The following OSBPL10 variants were observed in gnomAD, a reference collection of about 807,000 sequenced individuals.
The protein encoded by OSBPL10 is oxysterol-binding protein-related protein 10.
OSBPL10 carries 49 observed loss-of-function variants against 81.7 expected under a neutral mutation model. That is an observed-to-expected ratio of 0.60 (90% CI 0.48 to 0.76). The LOEUF (loss-of-function observed/expected upper bound fraction) is 0.76. Ranked by LOEUF, OSBPL10 falls within the 30% of genes least tolerant of loss-of-function variation. The pLI, the probability that OSBPL10 is intolerant of heterozygous loss-of-function variation, is 0.00. For synonymous variants in OSBPL10, 419 were observed against 383.6 expected, an observed-to-expected ratio of 1.09 and a Z score of -1.08; for missense variants, 923 against 987.8, an observed-to-expected ratio of 0.93 and a Z score of 0.88.
chr3:32,022,186 C>A (rs964722999), intron 2 of OSBPL10, among the ~76,000 whole-genome samples: 3 of 152,050 alleles, frequency 2.0e-5, no homozygotes, highest in Non-Finnish European at 2.9e-5. Flanking sequence ...GCAGTTGTCC[C>A]AGCACCATTT....
intron 2 of OSBPL10, among the ~76,000 whole-genome samples, chr3:31,999,981 C>T (rs1235526339): frequency 1.3e-5 from 2 of 152,144 alleles, no homozygotes; most frequent in Admixed American, 1.3e-4. Context: ...CTTTAAATAT[C>T]TAGTGGTGCG....
chr3:31,689,891 G>C (rs1695476244), intron 7 of OSBPL10, among the ~76,000 whole-genome samples: 1 of 152,088 alleles, frequency 6.6e-6, no homozygotes, highest in African/African-American at 2.4e-5. Context: ...CTAACCCAAT[G>C]TGTTACACAC....
chr3:31,662,259 C>T (rs1700087703), intron 11 of OSBPL10, 143 bp from the exon 12 acceptor site: 3 of 1,451,602 alleles, frequency 2.1e-6, no homozygotes, highest in Non-Finnish European at 2.7e-6. Context: ...CAGTACCCCT[C>T]CTCAGCCCAG....
At chr3:31,856,299 C>T (rs1312467468) in intron 3 of OSBPL10, among the ~76,000 whole-genome samples, 2 of 152,048 alleles carry the variant, frequency 1.3e-5, no homozygotes, top group African/African-American at 4.8e-5. Context: ...AAAAGCTGTT[C>T]TTAAATTGTG....
intron 1 of OSBPL10, among the ~76,000 whole-genome samples, chr3:31,935,489 A>G (rs2125728667): frequency 6.6e-6 from 1 of 151,924 alleles, no homozygotes; most frequent in South Asian, 2.1e-4. Flanking sequence ...AAAAGAAGAA[A>G]AAAAAATCTA....
At chr3:31,817,327 G>C (rs1367078043) in intron 4 of OSBPL10, among the ~76,000 whole-genome samples, 2 of 152,198 alleles carry the variant, frequency 1.3e-5, no homozygotes, top group African/African-American at 4.8e-5. Context: ...TCCAGGATTG[G>C]AGAGGGCACT....
intron 1 of OSBPL10, among the ~76,000 whole-genome samples, chr3:32,060,368 T>C (rs1699745024): frequency 6.6e-6 from 1 of 152,186 alleles, no homozygotes; most frequent in Admixed American, 6.5e-5. Flanking sequence ...TCATCCATCT[T>C]TCTCTGTCTC....
At chr3:31,824,375 G>A (rs538635065) in intron 4 of OSBPL10, among the ~76,000 whole-genome samples, 5 of 152,262 alleles carry the variant, frequency 3.3e-5, no homozygotes, top group East Asian at 1.9e-4. Flanking sequence ...GTGCTTAAGC[G>A]CCTTGACGTG....
At chr3:31,761,000 T>C (rs952674493) in intron 4 of OSBPL10, among the ~76,000 whole-genome samples, 4 of 151,988 alleles carry the variant, frequency 2.6e-5, no homozygotes, top group African/African-American at 9.7e-5. Flanking sequence ...TACTGCCAGC[T>C]CACAACTAAA....
chr3:31,736,194 G>C (rs1023133676), intron 5 of OSBPL10, among the ~76,000 whole-genome samples: 4 of 152,046 alleles, frequency 2.6e-5, no homozygotes, highest in Non-Finnish European at 4.4e-5. Flanking sequence ...TTTGGAGATT[G>C]GTTATACAAC....
chr3:31,832,536 G>A (rs1318288868), intron 3 of OSBPL10, among the ~76,000 whole-genome samples: 2 of 152,160 alleles, frequency 1.3e-5, no homozygotes, highest in Admixed American at 6.5e-5. Flanking sequence ...ACTGTGTAGT[G>A]TCAGGAAGAA....
chr3:32,009,000 G>A (rs1699228871), intron 2 of OSBPL10, among the ~76,000 whole-genome samples: 2 of 152,184 alleles, frequency 1.3e-5, no homozygotes, highest in Admixed American at 1.3e-4. Flanking sequence ...TGCAACTGGG[G>A]ATGAGCCAGG....
At chr3:32,053,875 A>C (rs944018549) in intron 1 of OSBPL10, among the ~76,000 whole-genome samples, 5 of 152,128 alleles carry the variant, frequency 3.3e-5, no homozygotes, top group South Asian at 2.1e-4. Context: ...GAGGCAAGAG[A>C]ATCACTTGAA....
rs1274920362 is a variant in OSBPL10, at chr3:31,769,449, A to AAC, written c.730-21330_730-21329insGT. On this transcript the variant is annotated intron_variant, in intron 4 of 11. Coordinates refer to ENST00000396556, the MANE Select transcript of OSBPL10 (RefSeq NM_017784.5). ...AACAAGAGCAAAACTCCATCTCAAA[A>AAC]AAAAAAAAACAAAAAAAAAACAAAA... Among the ~76,000 whole-genome samples the AAC allele has an allele frequency of 9.8e-5, 9 of 92,022 alleles. 1 individual carries two copies. Among genetic ancestry groups the AAC allele is most frequent in the South Asian group, 7.7e-4 (2 of 2,588 alleles). The allele number at this position is 92,022 out of a possible 152,430, so 60.4% of individuals were successfully genotyped here.
At position 31,663,625 on chromosome 3, in the gene OSBPL10, G is replaced by A. The variant is rs1700117722; in HGVS notation, c.2250+454C>T. 3.8e-6 allele frequency: 4 copies of A among 1,043,096 alleles called. No individual in the cohort carries two copies. In the African/African-American group the frequency reaches 6.8e-5, roughly 18 times the overall value. The allele number at this position is 1,043,096 out of a possible 1,614,324, so 64.6% of individuals were successfully genotyped here. The stretch of plus-strand genomic sequence containing the variant: ...GCATGACTAGCCCTTGTGGCCCACA[G>A]GAGGCAAAGCTCTGAAAGGCAATTC... On this transcript the variant is annotated intron_variant, in intron 11 of 11. Coordinates refer to ENST00000396556, the MANE Select transcript of OSBPL10 (RefSeq NM_017784.5).
chr3:31,754,489 A>C (rs1054978294), intron 4 of OSBPL10, among the ~76,000 whole-genome samples: 2 of 152,174 alleles, frequency 1.3e-5, no homozygotes, highest in Non-Finnish European at 2.9e-5. Flanking sequence ...GAAAAGACAC[A>C]GAAAGAGAAG....
chr3:31,778,733 T>A (rs754743725), intron 4 of OSBPL10, among the ~76,000 whole-genome samples: 4 of 151,734 alleles, frequency 2.6e-5, no homozygotes, highest in Admixed American at 6.6e-5. Flanking sequence ...TGCAAAAAAA[T>A]AATAATAATA....
chr3:31,969,014 G>A (rs1226221778), intron 1 of OSBPL10, among the ~76,000 whole-genome samples: 1 of 152,198 alleles, frequency 6.6e-6, no homozygotes, highest in Non-Finnish European at 1.5e-5. Context: ...TAGAGACGAG[G>A]CCACTAAATG....
At chr3:31,824,833 C>T (rs1278507504) in intron 4 of OSBPL10, among the ~76,000 whole-genome samples, 2 of 152,130 alleles carry the variant, frequency 1.3e-5, no homozygotes, top group South Asian at 2.1e-4. Flanking sequence ...CCATCTCACT[C>T]GATAAAACCT....
Sources: allele counts gnomAD v4.1 joint callset (sites outside exome capture counted in the v4.1 genomes callset), GRCh38; gene constraint gnomAD v4.1.1; transcripts MANE v1.5; gene names NCBI Gene and HGNC (gene_info 2026-07-23, HGNC 2026-07-21).